PREP: variants seen among roughly 807,000 people sequenced by gnomAD.
The protein encoded by PREP is prolyl endopeptidase.
PREP carries 29 observed loss-of-function variants against 87.6 expected under a neutral mutation model. That is an observed-to-expected ratio of 0.33 (90% CI 0.25 to 0.45). PREP has a LOEUF of 0.45. Among genes scored for constraint, PREP ranks in the 20% least tolerant of loss-of-function variants. The probability of loss-of-function intolerance (pLI) is 1.00; values close to 1 mark genes in which losing one functional copy is unlikely to be tolerated. For missense variants in PREP, 695 were observed against 886.5 expected (o/e 0.78, Z 2.74); for synonymous variants, 337 against 328.6 (o/e 1.03, Z -0.28).
chr6:105,336,711 G>A (rs1242259888), intron 7 of PREP, among the ~76,000 whole-genome samples: 2 of 152,158 alleles, frequency 1.3e-5, no homozygotes, highest in Non-Finnish European at 2.9e-5. Context: ...CCTTCAAACA[G>A]GCATTTTCCC....
At chr6:105,323,062 A>G in intron 10 of PREP, 4 of 1,304,132 alleles carry the variant, frequency 3.1e-6, no homozygotes, top group Non-Finnish European at 4.0e-6. Flanking sequence ...CTTCGTCATC[A>G]TCAATCAACC....
chr6:105,333,210 G>T (rs1256024967), intron 8 of PREP, 104 bp downstream of exon 8: 44 of 1,146,552 alleles, frequency 3.8e-5, no homozygotes, highest in Non-Finnish European at 5.3e-5. Context: ...CAGGTTGAAG[G>T]TTTTTTACCT....
chr6:105,365,879 CTT>C (rs35617234), intron 6 of PREP, among the ~76,000 whole-genome samples: 14,311 of 146,086 alleles, frequency 0.098, 1,008 homozygotes, highest in African/African-American at 0.2. Context: ...GTTCCTTTAG[CTT>C]TTTTTTTTTT....
At chr6:105,377,336 A>G in intron 3 of PREP, 50 bp downstream of exon 3, 1 of 1,542,988 alleles carries the variant, frequency 6.5e-7, no homozygotes, top group Non-Finnish European at 8.8e-7. Flanking sequence ...ACAATTTAAG[A>G]AAGCATTTAC....
intron 6 of PREP, among the ~76,000 whole-genome samples, chr6:105,357,325 T>C (rs1772125364): frequency 6.6e-6 from 1 of 152,324 alleles, no homozygotes; most frequent in East Asian, 1.9e-4. Flanking sequence ...GGCAGTAACA[T>C]TCACTGCAAG....
chr6:105,279,918 T>G (rs1168477642), intron 14 of PREP, among the ~76,000 whole-genome samples: 1 of 152,242 alleles, frequency 6.6e-6, no homozygotes, highest in African/African-American at 2.4e-5. Context: ...GTGCAAATTT[T>G]CTCTAAGTTA....
intron 4 of PREP, among the ~76,000 whole-genome samples, chr6:105,374,574 T>C (rs955760548): frequency 7.0e-6 from 1 of 141,890 alleles, no homozygotes; most frequent in South Asian, 2.2e-4. Context: ...TAGAAAGTGA[T>C]AGGAAAAAGA....
intron 10 of PREP, among the ~76,000 whole-genome samples, chr6:105,316,667 T>C (rs1445350010): frequency 2.0e-5 from 3 of 152,208 alleles, no homozygotes; most frequent in African/African-American, 4.8e-5. Context: ...GAAAAGGCAG[T>C]AAAATCTCCA....
intron 6 of PREP, among the ~76,000 whole-genome samples, chr6:105,368,536 C>T (rs112453645): frequency 0.015 from 2,252 of 152,270 alleles, 58 homozygotes; most frequent in African/African-American, 0.05. Flanking sequence ...TTCCCCCATA[C>T]TCTCACTTGT....
chr6:105,359,777 G>A (rs1207385234), intron 6 of PREP, among the ~76,000 whole-genome samples: 1 of 152,090 alleles, frequency 6.6e-6, no homozygotes, highest in African/African-American at 2.4e-5. Flanking sequence ...TAAAGGCCTG[G>A]ACCCCTCTCC....
intron 10 of PREP, among the ~76,000 whole-genome samples, chr6:105,293,969 TACAAA>T (rs1770355429): frequency 2.6e-5 from 4 of 152,312 alleles, no homozygotes; most frequent in East Asian, 3.9e-4. Context: ...TTTTCATGGG[TACAAA>T]GAAGCTCCTT....
At chr6:105,392,277 A>T (rs1288499635) in intron 2 of PREP, among the ~76,000 whole-genome samples, 1 of 152,030 alleles carries the variant, frequency 6.6e-6, no homozygotes, top group Non-Finnish European at 1.5e-5. Context: ...TGACCTCGTG[A>T]TCCGCCCACC....
At chr6:105,292,717 A>G (rs574149653) in intron 10 of PREP, among the ~76,000 whole-genome samples, 1 of 152,300 alleles carries the variant, frequency 6.6e-6, no homozygotes, top group South Asian at 2.1e-4. Flanking sequence ...CTCCCAATAT[A>G]AGGCTGTTCT....
At chr6:105,385,547 G>A (rs1348735510) in intron 2 of PREP, among the ~76,000 whole-genome samples, 3 of 152,140 alleles carry the variant, frequency 2.0e-5, no homozygotes, top group Non-Finnish European at 4.4e-5. Context: ...ACAGAGCAAT[G>A]ACTGTGAAAC....
intron 11 of PREP, among the ~76,000 whole-genome samples, chr6:105,288,033 GTC>G (rs770650836): frequency 3.9e-5 from 6 of 152,218 alleles, no homozygotes; most frequent in Non-Finnish European, 7.3e-5. Context: ...CGTTAAGACA[GTC>G]TATTTTAAGA....
At chr6:105,390,869 C>T (rs1179008646) in intron 2 of PREP, among the ~76,000 whole-genome samples, 1 of 152,004 alleles carries the variant, frequency 6.6e-6, no homozygotes, top group Non-Finnish European at 1.5e-5. Context: ...ATTCCCCCAG[C>T]GATCGGAGAG....
chr6:105,282,697 T>C (rs757337845), intron 12 of PREP, 115 bp from the exon 13 acceptor site: 9 of 1,227,738 alleles, frequency 7.3e-6, no homozygotes, highest in Non-Finnish European at 9.0e-6. Flanking sequence ...TTAAAAACCA[T>C]GGGTTAACAC....
chr6:105,355,900 G>A (rs1285639164), intron 6 of PREP, among the ~76,000 whole-genome samples: 1 of 152,018 alleles, frequency 6.6e-6, no homozygotes, highest in Non-Finnish European at 1.5e-5. Flanking sequence ...TTTATCTCTA[G>A]AAGAGTATGT....
chr6:105,282,981 C>T (rs1195058785), intron 12 of PREP, among the ~76,000 whole-genome samples: 52 of 152,306 alleles, frequency 3.4e-4, no homozygotes. Flanking sequence ...CTCTAGGTTG[C>T]ACCCAGCACC....
Sources: gnomAD v4.1 joint callset for allele counts (sites outside exome capture counted in the v4.1 genomes callset) on GRCh38, gnomAD v4.1.1 for gene constraint, MANE v1.5 for transcripts, NCBI Gene and HGNC (gene_info 2026-07-23, HGNC 2026-07-21) for gene names.